Variants in WDR7 observed in about 807,000 individuals in gnomAD.
The protein encoded by WDR7 is WD repeat domain 7.
Under a neutral mutation model 169.4 loss-of-function variants are expected in WDR7, and 46 were observed. The ratio of observed to expected loss-of-function variants is 0.27; its 90% CI spans 0.21 to 0.35. The LOEUF is 0.35. WDR7 is among the 10% of genes least tolerant of loss of function. WDR7 has a pLI of 1.00. For synonymous variants in WDR7, 612 were observed against 666.8 expected (o/e 0.92, Z 1.27); for missense variants, 1,534 against 1,859.3 (o/e 0.83, Z 3.22).
At chr18:56,693,428 C>T (rs920830596) in intron 9 of WDR7, among the ~76,000 whole-genome samples, 3 of 152,004 alleles carry the variant, frequency 2.0e-5, no homozygotes, top group Non-Finnish European at 4.4e-5. Context: ...TAGCTGGTAG[C>T]TAACAGAGGC....
intron 25 of WDR7, among the ~76,000 whole-genome samples, chr18:56,961,538 T>C (rs540653260): frequency 5.1e-4 from 77 of 152,256 alleles, no homozygotes; most frequent in Non-Finnish European, 1.0e-3. Flanking sequence ...TTGAAACTAT[T>C]CGCAGATATA....
At chr18:56,881,994 C>G (rs2046114998) in intron 21 of WDR7, among the ~76,000 whole-genome samples, 1 of 152,218 alleles carries the variant, frequency 6.6e-6, no homozygotes, top group Non-Finnish European at 1.5e-5. Flanking sequence ...GTAGTAAAAC[C>G]TAAACTTGAA....
At chr18:56,903,406 T>G (rs77331678) in intron 21 of WDR7, among the ~76,000 whole-genome samples, 2,304 of 152,060 alleles carry the variant, frequency 0.015, 59 homozygotes, top group African/African-American at 0.05. Context: ...TTCATTTTAT[T>G]TTTATTATTT....
At chr18:57,016,748 G>C (rs555633950) in intron 26 of WDR7, among the ~76,000 whole-genome samples, 1 of 152,130 alleles carries the variant, frequency 6.6e-6, no homozygotes, top group Non-Finnish European at 1.5e-5. Flanking sequence ...CTGCTTCCCA[G>C]TTCCTTTTCT....
intron 14 of WDR7, among the ~76,000 whole-genome samples, chr18:56,752,421 T>A (rs1568174544): frequency 6.6e-6 from 1 of 152,156 alleles, no homozygotes; most frequent in Non-Finnish European, 1.5e-5. Context: ...CTCCATTGCG[T>A]CCCCTTCTTG....
chr18:56,689,471 G>A (rs2144609988), intron 7 of WDR7, among the ~76,000 whole-genome samples: 1 of 152,292 alleles, frequency 6.6e-6, no homozygotes, highest in Non-Finnish European at 1.5e-5. Flanking sequence ...TGTTGCTCAG[G>A]CTGGTCTTGA....
At chr18:56,952,077 C>T (rs1397238342) in intron 25 of WDR7, among the ~76,000 whole-genome samples, 3 of 152,176 alleles carry the variant, frequency 2.0e-5, no homozygotes, top group Admixed American at 2.0e-4. Flanking sequence ...TATCTCAGAT[C>T]ATGTAAAATC....
chr18:56,775,790 G>A (rs1257306588), intron 16 of WDR7, among the ~76,000 whole-genome samples: 1 of 152,226 alleles, frequency 6.6e-6, no homozygotes, highest in East Asian at 1.9e-4. Context: ...TTTTCATGCA[G>A]CTGTTCTGTT....
Position 56,731,492 on chromosome 18 carries a change from A to T in WDR7, c.1884A>T (p.Leu628=). The T allele has an allele frequency of 1.2e-6, 2 of 1,614,174 alleles. No individual in the cohort carries two copies. Among genetic ancestry groups the T allele is most frequent in the Non-Finnish European group, 1.7e-6 (2 of 1,180,026 alleles). Residue 628 remains leucine (L), a synonymous_variant, in exon 14 of 28, where the codon CTA becomes CTT. Transcript: ENST00000254442. ...VDSLSHPAVN[L]KQAMTRRSLA... ...CACTTAGTCATCCAGCAGTCAACCT[A>T]AAACAAGCTATGACGAGACGTAGTC...
intron 26 of WDR7, among the ~76,000 whole-genome samples, chr18:57,007,294 G>T (rs2048075368): frequency 1.3e-5 from 2 of 152,020 alleles, no homozygotes; most frequent in East Asian, 1.9e-4. Context: ...ATGTTTAATA[G>T]TATATTTTTT....
rs1356603030 is a variant in WDR7, at chr18:56,770,181, T to C, written c.2849-6601T>C. 2.0e-5 allele frequency among the ~76,000 whole-genome samples: 3 copies of C among 152,234 alleles called. No individual in the cohort carries two copies. The South Asian group carries it at 6.2e-4, about 32-fold the overall frequency. Reference sequence around the variant, plus strand: ...CTCTGCCCTCAAGGTGCTTATTATGTCTATTGGAGAAAATCCACAGGAGTG... The same window carrying C: ...CTCTGCCCTCAAGGTGCTTATTATGCCTATTGGAGAAAATCCACAGGAGTG... On this transcript the variant is annotated intron_variant, in intron 16 of 27. Transcript: ENST00000254442.
intron 20 of WDR7, among the ~76,000 whole-genome samples, chr18:56,836,940 C>G (rs1371070409): frequency 3.3e-5 from 5 of 152,136 alleles, no homozygotes; most frequent in Non-Finnish European, 7.3e-5. Flanking sequence ...CATTGAATAT[C>G]TTATATTCAA....
At chr18:56,817,892 A>G (rs1386662882) in intron 20 of WDR7, among the ~76,000 whole-genome samples, 1 of 151,958 alleles carries the variant, frequency 6.6e-6, no homozygotes, top group African/African-American at 2.4e-5. Context: ...CTACAGGTGC[A>G]TACCACCACG....
At chr18:56,898,139 G>C (rs2046354154) in intron 21 of WDR7, among the ~76,000 whole-genome samples, 1 of 151,932 alleles carries the variant, frequency 6.6e-6, no homozygotes, top group Non-Finnish European at 1.5e-5. Context: ...AAAGGACATG[G>C]GACCAACCTG....
intron 9 of WDR7, among the ~76,000 whole-genome samples, chr18:56,692,431 G>T (rs913551012): frequency 1.6e-4 from 10 of 61,864 alleles, no homozygotes; most frequent in Admixed American, 3.0e-4. Context: ...TGAAAGCAGA[G>T]TTTTTTTTGT....
At chr18:56,942,136 A>C (rs1355618532) in intron 25 of WDR7, among the ~76,000 whole-genome samples, 1 of 152,164 alleles carries the variant, frequency 6.6e-6, no homozygotes, top group East Asian at 1.9e-4. Flanking sequence ...CCTCTCCCCG[A>C]CAAATAGAAG....
At chr18:57,011,335 G>C (rs918466808) in intron 26 of WDR7, among the ~76,000 whole-genome samples, 1 of 149,864 alleles carries the variant, frequency 6.7e-6, no homozygotes, top group Non-Finnish European at 1.5e-5. Flanking sequence ...TTTAGTAACT[G>C]AAAATGAGCA....
At chr18:56,662,665 G>A (rs1048529939) in intron 1 of WDR7, among the ~76,000 whole-genome samples, 3 of 152,118 alleles carry the variant, frequency 2.0e-5, no homozygotes, top group Non-Finnish European at 4.4e-5. Context: ...TTCGTTTGTA[G>A]TAAAAACAGG....
rs1446039285 is a variant in WDR7 at position 56,954,705 on chromosome 18, T to C, written c.4065-7725T>C. 2.6e-5 allele frequency among the ~76,000 whole-genome samples: 4 copies of C among 152,132 alleles called. No individual in the cohort carries two copies. In the East Asian group the frequency reaches 5.8e-4, roughly 22 times the overall value. ...TCTCTTTTCAATGAGTGTGTGTTTC[T>C]TTAAAATTGGATATATATTAGAATA... On this transcript the variant is annotated intron_variant, in intron 25 of 27. Coordinates refer to ENST00000254442, the MANE Select transcript of WDR7 (RefSeq NM_015285.3).
Sources: gnomAD v4.1 joint callset for allele counts (sites outside exome capture counted in the v4.1 genomes callset) on GRCh38, gnomAD v4.1.1 for gene constraint, MANE v1.5 for transcripts, NCBI Gene and HGNC (gene_info 2026-07-23, HGNC 2026-07-21) for gene names.